ARHGEF38: variants seen among roughly 807,000 people sequenced by gnomAD.
The protein encoded by ARHGEF38 is Rho guanine nucleotide exchange factor 38.
In ARHGEF38, 79 loss-of-function variants were observed where a neutral mutation model predicts 79.9. The ratio of observed to expected loss-of-function variants is 0.99; its 90% confidence interval spans 0.82 to 1.19. The LOEUF (loss-of-function observed/expected upper bound fraction) is 1.19, where lower values mean the gene tolerates loss of function less well. Among genes scored for constraint, ARHGEF38 ranks in the 50% most tolerant of loss-of-function variants. The pLI, the probability that ARHGEF38 is intolerant of heterozygous loss-of-function variation, is 0.00. For missense variants in ARHGEF38, 962 were observed against 907.2 expected, an observed-to-expected ratio of 1.06 and a Z score of -0.78; for synonymous variants, 366 against 328.3, an observed-to-expected ratio of 1.11 and a Z score of -1.24.
At chr4:105,606,627 G>A (rs538245505) in intron 2 of ARHGEF38, among the ~76,000 whole-genome samples, 8 of 152,126 alleles carry the variant, frequency 5.3e-5, no homozygotes, top group East Asian at 3.9e-4. Flanking sequence ...AATGAAAAGC[G>A]TGATCTATCT....
intron 13 of ARHGEF38, among the ~76,000 whole-genome samples, chr4:105,668,937 T>C (rs1730864105): frequency 6.6e-6 from 1 of 152,038 alleles, no homozygotes; most frequent in Non-Finnish European, 1.5e-5. Context: ...TCCCAGCTAC[T>C]GGAGAGGCTG....
intron 1 of ARHGEF38, among the ~76,000 whole-genome samples, chr4:105,573,656 G>A (rs1163061868): frequency 1.3e-5 from 2 of 151,688 alleles, no homozygotes; most frequent in Non-Finnish European, 2.9e-5. Flanking sequence ...CGAAGCATGA[G>A]TTCCTCCAGC....
intron 5 of ARHGEF38, among the ~76,000 whole-genome samples, chr4:105,638,789 A>C (rs1268592354): frequency 6.6e-6 from 1 of 152,072 alleles, no homozygotes; most frequent in Admixed American, 6.6e-5. Flanking sequence ...ATAAATCCAC[A>C]TTGTTTTATA....
At chr4:105,627,992 A>G (rs1447236376) in intron 3 of ARHGEF38, among the ~76,000 whole-genome samples, 2 of 151,824 alleles carry the variant, frequency 1.3e-5, no homozygotes, top group East Asian at 3.8e-4. Context: ...TTTAATAATT[A>G]TTATTAGAGC....
At chr4:105,668,330 C>T (rs949102613) in intron 13 of ARHGEF38, among the ~76,000 whole-genome samples, 1 of 152,012 alleles carries the variant, frequency 6.6e-6, no homozygotes, top group African/African-American at 2.4e-5. Context: ...TACAGGTACA[C>T]GTCACCACGC....
In ARHGEF38 at chr4:105,645,249, A is replaced by T. The variant is rs1386969063; in HGVS notation, c.736A>T (p.Lys246Ter). The T allele has an allele frequency of 6.5e-7, 1 of 1,536,044 alleles. No homozygotes were observed. The highest frequency in any genetic ancestry group is 8.7e-7 in the Non-Finnish European group (1 of 1,146,836). The part of the protein sequence containing the change: ...LMIKPIQRVM[K>*]YPLLLCELRN... ...GATCAAACCAATTCAACGTGTGATG[A>T]AATACCCCCTATTACTGTGCGAACT... Residue 246 changes from lysine (K) to a stop codon, truncating the protein, a stop_gained, in exon 6 of 14, where the codon AAA (lysine) becomes TAA (stop). Transcript: ENST00000420470. LOFTEE classifies it high-confidence loss of function.
intron 1 of ARHGEF38, among the ~76,000 whole-genome samples, chr4:105,578,571 T>A (rs1726621791): frequency 1.3e-5 from 2 of 152,136 alleles, no homozygotes; most frequent in Non-Finnish European, 2.9e-5. Context: ...TAGTAGTAAT[T>A]GTTTTATGAA....
intron 2 of ARHGEF38, among the ~76,000 whole-genome samples, chr4:105,602,792 C>T (rs1336689762): frequency 2.6e-5 from 4 of 152,074 alleles, no homozygotes; most frequent in African/African-American, 9.7e-5. Context: ...TTGATTTGGG[C>T]ACCTTGGATT....
At chr4:105,554,494 A>G (rs1374622940) in intron 1 of ARHGEF38, among the ~76,000 whole-genome samples, 1 of 152,164 alleles carries the variant, frequency 6.6e-6, no homozygotes, top group Non-Finnish European at 1.5e-5. Flanking sequence ...GCTTAGGATA[A>G]TGGCCTCCGG....
intron 2 of ARHGEF38, among the ~76,000 whole-genome samples, chr4:105,595,366 G>T (rs1727533451): frequency 6.6e-6 from 1 of 151,972 alleles, no homozygotes; most frequent in Non-Finnish European, 1.5e-5. Flanking sequence ...CTAAAAAATG[G>T]TTTAAAATAT....
intron 1 of ARHGEF38, chr4:105,561,474 A>AGAATAGAATGGAATAGAATG (rs1725590290): frequency 3.9e-5 from 2 of 50,808 alleles, no homozygotes; most frequent in Admixed American, 2.0e-4. Context: ...AGAATAGAAT[A>AGAATAGAATGGAATAGAATG]GAATAGAATA....
At chr4:105,573,979 G>A (rs1306995785) in intron 1 of ARHGEF38, among the ~76,000 whole-genome samples, 1 of 151,990 alleles carries the variant, frequency 6.6e-6, no homozygotes, top group Admixed American at 6.6e-5. Context: ...TGATGCTACT[G>A]TGAATGGAAA....
At chr4:105,606,336 C>A (rs1728039874) in intron 2 of ARHGEF38, among the ~76,000 whole-genome samples, 1 of 151,968 alleles carries the variant, frequency 6.6e-6, no homozygotes, top group Non-Finnish European at 1.5e-5. Context: ...TATTTTCTCC[C>A]TTCTTCTACA....
chr4:105,555,459 G>A (rs540788105), intron 1 of ARHGEF38, among the ~76,000 whole-genome samples: 4 of 152,160 alleles, frequency 2.6e-5, no homozygotes, highest in African/African-American at 9.6e-5. Flanking sequence ...TGGCCTGTAC[G>A]ATACCCATTA....
At chr4:105,592,824 C>A (rs780622097) in intron 2 of ARHGEF38, among the ~76,000 whole-genome samples, 1 of 152,140 alleles carries the variant, frequency 6.6e-6, no homozygotes, top group Non-Finnish European at 1.5e-5. Context: ...CCAAATCTAC[C>A]AACTTACTGC....
intron 1 of ARHGEF38, among the ~76,000 whole-genome samples, chr4:105,570,562 G>A (rs1283916973): frequency 6.6e-6 from 1 of 152,138 alleles, no homozygotes; most frequent in Non-Finnish European, 1.5e-5. Context: ...CATGAGAAGG[G>A]GAACTATGAG....
chr4:105,679,162 G>T lies in ARHGEF38; in HGVS notation c.*1225G>T. 1 of 612,962 alleles carries T rather than the reference G, an allele frequency of 1.6e-6. No homozygotes were observed. The highest frequency in any genetic ancestry group is 2.9e-6 in the Non-Finnish European group (1 of 350,426). The allele number at this position is 612,962 out of a possible 1,614,324, so 38.0% of individuals were successfully genotyped here. On this transcript the variant is annotated 3_prime_UTR_variant, in exon 14 of 14. Coordinates refer to ENST00000420470, the MANE Select transcript of ARHGEF38 (RefSeq NM_001242729.2). ...ACTGCTTTGTCGACTCTCTCTACCT[G>T]ACCAATTGCCAGATCGACAACCTGA...
intron 4 of ARHGEF38, among the ~76,000 whole-genome samples, chr4:105,634,054 G>A (rs1241788563): frequency 1.3e-5 from 2 of 152,056 alleles, no homozygotes; most frequent in Non-Finnish European, 2.9e-5. Context: ...GTTCCCTTGC[G>A]CCAGATCCAC....
chr4:105,650,082 T>A (rs1730036760), intron 7 of ARHGEF38, among the ~76,000 whole-genome samples: 1 of 152,240 alleles, frequency 6.6e-6, no homozygotes. Flanking sequence ...ACTTTAGCTG[T>A]CATTATTATC....
Sources: allele counts gnomAD v4.1 joint callset (sites outside exome capture counted in the v4.1 genomes callset), GRCh38; gene constraint gnomAD v4.1.1; transcripts MANE v1.5; gene names NCBI Gene and HGNC (gene_info 2026-07-23, HGNC 2026-07-21).